Variants in KRTAP5-6 observed in about 807,000 individuals in gnomAD.
The protein encoded by KRTAP5-6 is keratin associated protein 5-6.
For missense variants in KRTAP5-6, 175 were observed against 157.6 expected (o/e 1.11, Z -0.59); for synonymous variants, 57 against 61.7 (o/e 0.92, Z 0.36).
Position 1,697,404 on chromosome 11 carries a change from TG to T in KRTAP5-6, c.164del (p.Gly55AlafsTer84), listed in dbSNP as rs777346451. On this transcript the variant is annotated frameshift_variant, in exon 1 of 1. Coordinates refer to ENST00000382160, the MANE Select transcript of KRTAP5-6 (RefSeq NM_001012416.1). LOFTEE classifies it low-confidence loss of function (END_TRUNC). ...GTTCCTGCACCAGCTGTGGCTCTTG[TG>T]GGGGCTCCAAGGGGTGCTGTGGCTC... is the stretch of plus-strand genomic sequence containing the variant. ...ACSCTSCGSC[G>X]GSKGCCGSCG... The T allele has an allele frequency of 2.5e-6, 4 of 1,609,948 alleles. No homozygotes were observed. The highest frequency in any genetic ancestry group is 2.2e-5 in the East Asian group (1 of 44,758).
Position 1,697,282 on chromosome 11 carries a change from G to T in KRTAP5-6, c.37G>T (p.Gly13Cys). ...TGGCTGCTCTGGAGGCTGTGGCTCCGGCTGTGGGGGCTGTGGCTCTGGCTG... is the reference window on the plus strand; with the variant it reads ...TGGCTGCTCTGGAGGCTGTGGCTCCTGCTGTGGGGGCTGTGGCTCTGGCTG... Reference protein sequence around the residue: ...CCGCSGGCGSGCGGCGSGCGG... With the variant: ...CCGCSGGCGSCCGGCGSGCGG... The change falls in exon 1 of 1, where the codon GGC becomes TGC. Residue 13 changes from glycine to cysteine, a missense_variant. Transcript: ENST00000382160. 1.9e-6 allele frequency: 3 copies of T among 1,612,696 alleles called. No individual in the cohort carries two copies. The highest frequency in any genetic ancestry group is 2.5e-6 in the Non-Finnish European group (3 of 1,179,660).
Position 1,697,706 on chromosome 11 carries a change from C to G in KRTAP5-6, c.*71C>G, listed in dbSNP as rs1434595588. The G allele has an allele frequency of 1.9e-6, 3 of 1,592,898 alleles. No homozygotes were observed. Among genetic ancestry groups the G allele is most frequent in the Non-Finnish European group, 2.6e-6 (3 of 1,165,934 alleles). The stretch of plus-strand genomic sequence containing the variant: ...CCAAGAAGTGACCAGTGCTGCATTT[C>G]AGTTCTGGCTGTCCCACAGCTCCAG... On this transcript the variant is annotated 3_prime_UTR_variant, in exon 1 of 1. Coordinates refer to ENST00000382160, the MANE Select transcript of KRTAP5-6 (RefSeq NM_001012416.1).
chr11:1,697,355 C>A lies in KRTAP5-6; in HGVS notation c.110C>A (p.Pro37His). ...TGTGTGCCCATCTGCTGCTGCAAGC[C>A]CGTGTGCTGCTGTGTGCCAGCCTGT... ...SCCVPICCCK[P>H]VCCCVPACSC... The change falls in exon 1 of 1, where the codon CCC becomes CAC. Residue 37 changes from proline to histidine, a missense_variant. Transcript: ENST00000382160. 1 of 1,612,918 alleles carries A rather than the reference C, an allele frequency of 6.2e-7. No homozygotes were observed. The highest frequency in any genetic ancestry group is 8.5e-7 in the Non-Finnish European group (1 of 1,179,898).
At position 1,697,207 on chromosome 11, in the gene KRTAP5-6, C is replaced by T. The variant is rs1850697727; in HGVS notation, c.-39C>T. 2 of 1,612,480 alleles carry T rather than the reference C, an allele frequency of 1.2e-6. No individual in the cohort carries two copies. The highest frequency in any genetic ancestry group is 4.5e-5 in the East Asian group (2 of 44,888). ...CCATACCTGCACACCTCCCTCTCAC[C>T]TGCTCCTCTACCTGCTCCACCCTCA... On this transcript the variant is annotated 5_prime_UTR_variant, in exon 1 of 1. Transcript: ENST00000382160.
chr11:1,697,586 G>A lies in KRTAP5-6; in HGVS notation c.341G>A (p.Cys114Tyr), dbSNP rs777701061. 16 of 1,614,008 alleles carry A rather than the reference G, an allele frequency of 9.9e-6. No homozygotes were observed. Among genetic ancestry groups the A allele is most frequent in the African/African-American group, 5.3e-5 (4 of 74,892 alleles). The change falls in exon 1 of 1, where the codon TGT becomes TAT. Residue 114 changes from cysteine (C) to tyrosine (Y), a missense_variant. Physicochemically the swap from Cys to Tyr is radical, Grantham distance 194 (BLOSUM62 -2). Coordinates refer to ENST00000382160, the MANE Select transcript of KRTAP5-6 (RefSeq NM_001012416.1). ...CAGTCCAGCTGCTGCAAGCCCTGCT[G>A]TTCCCAGGCCAGCTGCTGTGTCCCC... is the stretch of plus-strand genomic sequence containing the variant. ...CCQSSCCKPC[C>Y]SQASCCVPIC...
chr11:1,697,313 G>A lies in KRTAP5-6; in HGVS notation c.68G>A (p.Gly23Asp), dbSNP rs748483466. ...GCGGCGSGCG[G>D]CGSSCCVPIC... is the part of the protein sequence containing the mutation. ...GGGGGCTGTGGCTCTGGCTGTGGGG[G>A]CTGTGGGTCCAGCTGCTGTGTGCCC... Residue 23 changes from glycine to aspartate, a missense_variant, in exon 1 of 1, where the codon GGC becomes GAC. Physicochemically the swap from Gly to Asp is moderately conservative, Grantham distance 94. Transcript: ENST00000382160. 17 of 1,613,280 alleles carry A rather than the reference G, an allele frequency of 1.1e-5. No homozygotes were observed. Among genetic ancestry groups the A allele is most frequent in the South Asian group, 3.3e-5 (3 of 91,060 alleles).
In KRTAP5-6 at chr11:1,697,443, C is replaced by A. The variant is rs1300303191; in HGVS notation, c.198C>A (p.Ser66=). The change falls in exon 1 of 1, where the codon TCC becomes TCA. Residue 66 remains serine, a synonymous_variant. Transcript: ENST00000382160. The part of the protein sequence containing the change: ...SKGCCGSCGG[S]KGGCGSCGGS... Reference sequence around the variant, plus strand: ...GGTGCTGTGGCTCTTGTGGGGGCTCCAAAGGGGGCTGTGGCTCTTGTGGGG... The same window carrying A: ...GGTGCTGTGGCTCTTGTGGGGGCTCAAAAGGGGGCTGTGGCTCTTGTGGGG... 6.2e-7 allele frequency: 1 copy of A among 1,612,620 alleles called. No individual in the cohort carries two copies. The highest frequency in any genetic ancestry group is 2.2e-5 in the East Asian group (1 of 44,848).
rs762302872 is a variant in KRTAP5-6, at chr11:1,697,540, G to T, written c.295G>T (p.Gly99Cys). The change falls in exon 1 of 1, where the codon GGC (glycine) becomes TGC (cysteine). Residue 99 changes from glycine (G) to cysteine (C), a missense_variant. Coordinates refer to ENST00000382160, the MANE Select transcript of KRTAP5-6 (RefSeq NM_001012416.1). ...SCCKPCYCSS[G>C]CGSSCCQSSC... Reference sequence around the variant, plus strand: ...CTGCAAGCCCTGCTACTGTTCCTCAGGCTGTGGGTCATCCTGCTGCCAGTC... The same window carrying T: ...CTGCAAGCCCTGCTACTGTTCCTCATGCTGTGGGTCATCCTGCTGCCAGTC... The T allele has an allele frequency of 6.2e-7, 1 of 1,613,958 alleles. No individual in the cohort carries two copies. The highest frequency in any genetic ancestry group is 8.5e-7 in the Non-Finnish European group (1 of 1,179,984).
chr11:1,697,600 T>C lies in KRTAP5-6; in HGVS notation c.355T>C (p.Cys119Arg), dbSNP rs1387557422. ...CAAGCCCTGCTGTTCCCAGGCCAGC[T>C]GCTGTGTCCCCATTTGCTGCCAGTG... ...CCKPCCSQAS[C>R]CVPICCQCKI is the part of the protein sequence containing the mutation. The change falls in exon 1 of 1, where the codon TGC (cysteine) becomes CGC (arginine). Residue 119 changes from cysteine (C) to arginine (R), a missense_variant. Cys to Arg is a radical substitution (Grantham distance 180, BLOSUM62 -3). Transcript: ENST00000382160. The C allele has an allele frequency of 6.2e-7, 1 of 1,614,026 alleles. No individual in the cohort carries two copies. Among genetic ancestry groups the C allele is most frequent in the Non-Finnish European group, 8.5e-7 (1 of 1,180,012 alleles).
rs545751292 is a variant in KRTAP5-6, at chr11:1,697,282, G to A, written c.37G>A (p.Gly13Ser). ...CCGCSGGCGS[G>S]CGGCGSGCGG... ...TGGCTGCTCTGGAGGCTGTGGCTCC[G>A]GCTGTGGGGGCTGTGGCTCTGGCTG... The change falls in exon 1 of 1, where the codon GGC becomes AGC. Residue 13 changes from glycine (G) to serine (S), a missense_variant. By Grantham distance (56) the Gly-to-Ser change is moderately conservative. Coordinates refer to ENST00000382160, the MANE Select transcript of KRTAP5-6 (RefSeq NM_001012416.1). 3.0e-5 allele frequency: 49 copies of A among 1,612,694 alleles called. No homozygotes were observed. Among genetic ancestry groups the A allele is most frequent in the Admixed American group, 1.0e-4 (6 of 59,938 alleles).
At position 1,697,369 on chromosome 11, in the gene KRTAP5-6, G is replaced by A. The variant is rs1335585475; in HGVS notation, c.124G>A (p.Val42Met). 1.9e-6 allele frequency: 3 copies of A among 1,612,866 alleles called. No homozygotes were observed. The highest frequency in any genetic ancestry group is 2.7e-5 in the African/African-American group (2 of 74,734). The change falls in exon 1 of 1, where the codon GTG (valine) becomes ATG (methionine). Residue 42 changes from valine to methionine, a missense_variant. Val to Met is a conservative substitution (Grantham distance 21). Coordinates refer to ENST00000382160, the MANE Select transcript of KRTAP5-6 (RefSeq NM_001012416.1). Reference protein sequence around the residue: ...ICCCKPVCCCVPACSCTSCGS... With the variant: ...ICCCKPVCCCMPACSCTSCGS... ...CTGCTGCAAGCCCGTGTGCTGCTGT[G>A]TGCCAGCCTGTTCCTGCACCAGCTG...
In KRTAP5-6 at chr11:1,697,233, A is replaced by G. The variant is rs57066048; in HGVS notation, c.-13A>G. 0.078 allele frequency: 125,489 copies of G among 1,612,482 alleles called. 9,978 individuals are homozygous for G. Among genetic ancestry groups the G allele is most frequent in the African/African-American group, 0.42 (31,082 of 74,758 alleles). On this transcript the variant is annotated 5_prime_UTR_variant, in exon 1 of 1. Transcript: ENST00000382160. ...TGCTCCTCTACCTGCTCCACCCTCA[A>G]TCCACCAGAACCATGGGCTGCTGTG... is the stretch of plus-strand genomic sequence containing the variant.
Position 1,697,612 on chromosome 11 carries a change from A to G in KRTAP5-6, c.367A>G (p.Ile123Val). The G allele has an allele frequency of 6.2e-7, 1 of 1,613,980 alleles. No homozygotes were observed. Among genetic ancestry groups the G allele is most frequent in the Non-Finnish European group, 8.5e-7 (1 of 1,179,962 alleles). ...TTCCCAGGCCAGCTGCTGTGTCCCC[A>G]TTTGCTGCCAGTGCAAAATCTGAGG... The part of the protein sequence containing the change: ...CCSQASCCVP[I>V]CCQCKI Residue 123 changes from isoleucine to valine, a missense_variant, in exon 1 of 1, where the codon ATT becomes GTT. Ile to Val is a conservative substitution (Grantham distance 29). Coordinates refer to ENST00000382160, the MANE Select transcript of KRTAP5-6 (RefSeq NM_001012416.1).
At position 1,697,231 on chromosome 11, in the gene KRTAP5-6, C is replaced by G. The variant is rs762591861; in HGVS notation, c.-15C>G. On this transcript the variant is annotated 5_prime_UTR_variant, in exon 1 of 1. Coordinates refer to ENST00000382160, the MANE Select transcript of KRTAP5-6 (RefSeq NM_001012416.1). ...CCTGCTCCTCTACCTGCTCCACCCT[C>G]AATCCACCAGAACCATGGGCTGCTG... The G allele has an allele frequency of 6.2e-7, 1 of 1,612,866 alleles. No homozygotes were observed.
chr11:1,697,308 T>C lies in KRTAP5-6; in HGVS notation c.63T>C (p.Cys21=). Residue 21 remains cysteine (C), a synonymous_variant, in exon 1 of 1, where the codon TGT becomes TGC. Transcript: ENST00000382160. The part of the protein sequence containing the change: ...GSGCGGCGSG[C]GGCGSSCCVP... The stretch of plus-strand genomic sequence containing the variant: ...GCTGTGGGGGCTGTGGCTCTGGCTG[T>C]GGGGGCTGTGGGTCCAGCTGCTGTG... 6.2e-7 allele frequency: 1 copy of C among 1,613,190 alleles called. No individual in the cohort carries two copies. The highest frequency in any genetic ancestry group is 8.5e-7 in the Non-Finnish European group (1 of 1,179,938).
rs371931032 is a variant in KRTAP5-6, at chr11:1,697,422, C to A, written c.177C>A (p.Cys59Ter). The change falls in exon 1 of 1, where the codon TGC becomes TGA. Residue 59 changes from cysteine to a stop codon, truncating the protein, a stop_gained. Transcript: ENST00000382160. LOFTEE classifies it low-confidence loss of function (END_TRUNC). ...GCTCTTGTGGGGGCTCCAAGGGGTG[C>A]TGTGGCTCTTGTGGGGGCTCCAAAG... Reference protein sequence around the residue: ...SCGSCGGSKGCCGSCGGSKGG... With the variant: ...SCGSCGGSKG The A allele has an allele frequency of 1.2e-5, 19 of 1,612,468 alleles. No individual in the cohort carries two copies. The African/African-American group carries it at 2.3e-4, about 19-fold the overall frequency.
Position 1,697,677 on chromosome 11 carries a change from C to T in KRTAP5-6, c.*42C>T. On this transcript the variant is annotated 3_prime_UTR_variant, in exon 1 of 1. Coordinates refer to ENST00000382160, the MANE Select transcript of KRTAP5-6 (RefSeq NM_001012416.1). ...CTCAGGTGAGTCCAGCATATCCACA[C>T]CACCCAAGAAGTGACCAGTGCTGCA... The T allele has an allele frequency of 6.2e-7, 1 of 1,612,658 alleles. No individual in the cohort carries two copies. The highest frequency in any genetic ancestry group is 8.5e-7 in the Non-Finnish European group (1 of 1,179,130).
Position 1,697,722 on chromosome 11 carries a change from A to G in KRTAP5-6, c.*87A>G, listed in dbSNP as rs533880875. On this transcript the variant is annotated 3_prime_UTR_variant, in exon 1 of 1. Coordinates refer to ENST00000382160, the MANE Select transcript of KRTAP5-6 (RefSeq NM_001012416.1). ...GCTGCATTTCAGTTCTGGCTGTCCC[A>G]CAGCTCCAGGAGTTGTGTCCCCTGA... is the stretch of plus-strand genomic sequence containing the variant. 26 of 1,570,892 alleles carry G rather than the reference A, an allele frequency of 1.7e-5. No homozygotes were observed. The highest frequency in any genetic ancestry group is 2.3e-5 in the Non-Finnish European group (26 of 1,150,640).
In KRTAP5-6 at chr11:1,697,304, G is replaced by C; in HGVS notation, c.59G>C (p.Gly20Ala). Residue 20 changes from glycine (G) to alanine (A), a missense_variant, in exon 1 of 1, where the codon GGC becomes GCC. Gly to Ala is a moderately conservative substitution (Grantham distance 60). Coordinates refer to ENST00000382160, the MANE Select transcript of KRTAP5-6 (RefSeq NM_001012416.1). The stretch of plus-strand genomic sequence containing the variant: ...TCCGGCTGTGGGGGCTGTGGCTCTG[G>C]CTGTGGGGGCTGTGGGTCCAGCTGC... ...CGSGCGGCGSGCGGCGSSCCV... is the reference protein window; with the variant it reads ...CGSGCGGCGSACGGCGSSCCV... The C allele has an allele frequency of 6.2e-7, 1 of 1,613,328 alleles. No individual in the cohort carries two copies. Among genetic ancestry groups the C allele is most frequent in the Non-Finnish European group, 8.5e-7 (1 of 1,179,984 alleles).
Sources: gnomAD v4.1 joint callset for allele counts on GRCh38, gnomAD v4.1.1 for gene constraint, MANE v1.5 for transcripts, NCBI Gene and HGNC (gene_info 2026-07-23, HGNC 2026-07-21) for gene names.